Variants in C4orf36 observed in about 807,000 individuals in gnomAD.
C4orf36 encodes the protein chromosome 4 open reading frame 36.
A neutral mutation model predicts 12.2 loss-of-function variants in C4orf36; 11 were observed. That is an observed-to-expected ratio of 0.90 (90% CI 0.57 to 1.49). The LOEUF (loss-of-function observed/expected upper bound fraction) is 1.49. C4orf36 is among the 40% of genes most tolerant of loss of function. C4orf36 has a pLI of 0.00. For synonymous variants in C4orf36, 54 were observed against 51.3 expected (o/e 1.05, Z -0.22); for missense variants, 137 against 133.9 (o/e 1.02, Z -0.11).
At chr4:86,907,095 CAAGT>C in the C4orf36 span, among the ~76,000 whole-genome samples, 1 of 151,960 alleles carries the variant, frequency 6.6e-6, no homozygotes, top group Non-Finnish European at 1.5e-5. Flanking sequence ...CAGCTTTTTA[CAAGT>C]AAGTGTTTAA....
At chr4:86,934,043 TAAA>T in the C4orf36 span, among the ~76,000 whole-genome samples, 1 of 152,246 alleles carries the variant, frequency 6.6e-6, no homozygotes, top group South Asian at 2.1e-4. Context: ...CAAACAAAAT[TAAA>T]AAGAGAAAAG....
the C4orf36 span, among the ~76,000 whole-genome samples, chr4:86,899,004 T>C: frequency 6.6e-6 from 1 of 151,816 alleles, no homozygotes; most frequent in African/African-American, 2.4e-5. Context: ...GGTGGGAGGA[T>C]CACTTGAGCC....
chr4:86,878,013 TAG>T (rs768077604), intron 4 of C4orf36, among the ~76,000 whole-genome samples: 10 of 152,124 alleles, frequency 6.6e-5, no homozygotes, highest in Non-Finnish European at 1.5e-4. Flanking sequence ...GATAGAGACA[TAG>T]AGATTCATTT....
intron 2 of C4orf36, 24 bp from the exon 3 acceptor site, chr4:86,888,299 A>G (rs1352006640): frequency 6.2e-7 from 1 of 1,607,112 alleles, no homozygotes; most frequent in Non-Finnish European, 8.5e-7. Context: ...TCATTAATCC[A>G]TTCAATAAAT....
chr4:86,917,994 A>T, the C4orf36 span, among the ~76,000 whole-genome samples: 2 of 152,264 alleles, frequency 1.3e-5, no homozygotes, highest in Non-Finnish European at 2.9e-5. Flanking sequence ...TCATTATGCA[A>T]TGCAAGATCA....
At chr4:86,912,533 T>C in the C4orf36 span, among the ~76,000 whole-genome samples, 2 of 152,328 alleles carry the variant, frequency 1.3e-5, no homozygotes, top group East Asian at 3.9e-4. Context: ...CTGGAATTAA[T>C]AGGTCTCCTG....
chr4:86,881,533 G>A (rs1054836730), intron 4 of C4orf36, among the ~76,000 whole-genome samples: 6 of 152,058 alleles, frequency 3.9e-5, no homozygotes, highest in African/African-American at 7.2e-5. Context: ...AAGTTGAAGC[G>A]AGTAATGATC....
the C4orf36 span, among the ~76,000 whole-genome samples, chr4:86,905,799 C>T: frequency 6.6e-6 from 1 of 151,294 alleles, no homozygotes; most frequent in African/African-American, 2.4e-5. Flanking sequence ...CTCACTGCAA[C>T]CTCTGTCTCC....
upstream of C4orf36, among the ~76,000 whole-genome samples, chr4:86,896,414 T>C (rs1307709804): frequency 6.6e-6 from 1 of 152,250 alleles, no homozygotes; most frequent in Non-Finnish European, 1.5e-5. Context: ...AAATCACAAA[T>C]GCAGCTTACA....
the C4orf36 span, among the ~76,000 whole-genome samples, chr4:86,899,020 G>A: frequency 4.9e-4 from 74 of 152,118 alleles, no homozygotes; most frequent in Non-Finnish European, 9.4e-4. Flanking sequence ...GAGCCCAGGA[G>A]GTCAAGGCTG....
At chr4:86,897,643 GC>G in the C4orf36 span, among the ~76,000 whole-genome samples, 2 of 152,164 alleles carry the variant, frequency 1.3e-5, no homozygotes, top group Non-Finnish European at 2.9e-5. Context: ...GACAATAATG[GC>G]TGCAGCTAGT....
the C4orf36 span, among the ~76,000 whole-genome samples, chr4:86,901,815 C>T: frequency 1.3e-5 from 2 of 152,194 alleles, no homozygotes; most frequent in Non-Finnish European, 2.9e-5. Flanking sequence ...AGCATACTCC[C>T]ACCTGCTATG....
upstream of C4orf36, among the ~76,000 whole-genome samples, chr4:86,893,237 A>G (rs1042499652): frequency 1.3e-5 from 2 of 152,238 alleles, no homozygotes; most frequent in Non-Finnish European, 2.9e-5. Context: ...GGCTGCCCAG[A>G]GTCACATGGC....
the C4orf36 span, chr4:86,914,111 A>C: frequency 6.2e-7 from 1 of 1,604,892 alleles, no homozygotes; most frequent in African/African-American, 1.3e-5. Flanking sequence ...AGTCATTTTC[A>C]GACTCAAAGT....
chr4:86,915,193 C>A, the C4orf36 span, among the ~76,000 whole-genome samples: 2 of 152,082 alleles, frequency 1.3e-5, no homozygotes, highest in African/African-American at 4.8e-5. Context: ...TCTGAGCTGC[C>A]CCCCTGTATA....
the C4orf36 span, among the ~76,000 whole-genome samples, chr4:86,915,818 G>T: frequency 6.6e-6 from 1 of 152,012 alleles, no homozygotes. Flanking sequence ...AAAGAAGAGG[G>T]AAATTTGGAC....
the C4orf36 span, among the ~76,000 whole-genome samples, chr4:86,910,028 C>T: frequency 6.6e-6 from 1 of 151,912 alleles, no homozygotes; most frequent in Non-Finnish European, 1.5e-5. Flanking sequence ...AGGAATGCAG[C>T]CAGCCCTCAG....
the C4orf36 span, among the ~76,000 whole-genome samples, chr4:86,930,478 A>G: frequency 6.6e-6 from 1 of 152,268 alleles, no homozygotes; most frequent in African/African-American, 2.4e-5. Context: ...TTCTTTATTC[A>G]TGAACTAGAC....
intron 1 of C4orf36, 21 bp from the exon 2 acceptor site, chr4:86,891,614 CTAAT>C: frequency 6.3e-7 from 1 of 1,585,950 alleles, no homozygotes; most frequent in Non-Finnish European, 8.6e-7. Context: ...GGCAACGCAC[CTAAT>C]TAATGCCTCT....
Sources: allele counts gnomAD v4.1 joint callset (sites outside exome capture counted in the v4.1 genomes callset), GRCh38; gene constraint gnomAD v4.1.1; transcripts MANE v1.5; gene names NCBI Gene and HGNC (gene_info 2026-07-23, HGNC 2026-07-21).